Variants in DCP1B observed in about 807,000 individuals in gnomAD.
The protein encoded by DCP1B is decapping mRNA 1B, also known as mRNA-decapping enzyme 1B.
DCP1B carries 47 observed loss-of-function variants against 60.5 expected under a neutral mutation model. The ratio of observed to expected loss-of-function variants is 0.78; its 90% CI spans 0.61 to 0.99. The LOEUF is 0.99. Among genes scored for constraint, DCP1B ranks in the 50% least tolerant of loss-of-function variants. DCP1B has a pLI of 0.00. For synonymous variants in DCP1B, 267 were observed against 280.3 expected, an observed-to-expected ratio of 0.95 and a Z score of 0.47; for missense variants, 725 against 756.8, an observed-to-expected ratio of 0.96 and a Z score of 0.49.
chr12:1,996,644 A>C lies in DCP1B; in HGVS notation c.191+1291T>G, dbSNP rs959905459. Among the ~76,000 whole-genome samples the C allele has an allele frequency of 6.6e-3, 592 of 89,418 alleles. 19 individuals carry two copies. Among genetic ancestry groups the C allele is most frequent in the African/African-American group, 0.031 (555 of 17,734 alleles). The allele number at this position is 89,418 out of a possible 152,430, so 58.7% of individuals were successfully genotyped here. The stretch of plus-strand genomic sequence containing the variant: ...AAAAAAAAAAAAAAAAAAAAAAAAA[A>C]AAAAAAAAAAACAACAAACTCTTCT... On this transcript the variant is annotated intron_variant, in intron 2 of 8. Transcript: ENST00000280665.
At chr12:1,955,944 A>T (rs377009927) in intron 5 of DCP1B, among the ~76,000 whole-genome samples, 1 of 152,244 alleles carries the variant, frequency 6.6e-6, no homozygotes, top group South Asian at 2.1e-4. Context: ...TGTCTGGACA[A>T]TTTAAGCAGT....
At chr12:1,968,466 G>A (rs988469585) in intron 3 of DCP1B, among the ~76,000 whole-genome samples, 2 of 151,860 alleles carry the variant, frequency 1.3e-5, no homozygotes, top group African/African-American at 4.8e-5. Flanking sequence ...TGAAAACATG[G>A]CACCTGAACA....
chr12:1,945,311 C>T (rs988647956), downstream of DCP1B, among the ~76,000 whole-genome samples: 4 of 152,276 alleles, frequency 2.6e-5, no homozygotes, highest in South Asian at 2.1e-4. Flanking sequence ...GAAACAGGAA[C>T]GCTTTTACAT....
chr12:1,959,688 A>G (rs191681826), intron 5 of DCP1B, among the ~76,000 whole-genome samples: 2 of 152,328 alleles, frequency 1.3e-5, no homozygotes, highest in African/African-American at 4.8e-5. Flanking sequence ...GGCCAGGTGC[A>G]GTGGCTCACG....
chr12:1,950,206 C>T, intron 7 of DCP1B: 1 of 614,332 alleles, frequency 1.6e-6, no homozygotes, highest in Middle Eastern at 2.8e-4. Context: ...TCTCTTTGAG[C>T]AAAAGTTGGC....
intron 7 of DCP1B, among the ~76,000 whole-genome samples, chr12:1,951,437 C>T (rs1258576926): frequency 6.6e-6 from 1 of 152,082 alleles, no homozygotes; most frequent in Non-Finnish European, 1.5e-5. Flanking sequence ...AGATGTTACC[C>T]ACAGGCAGAT....
Position 1,997,927 on chromosome 12 carries a change from ACT to A in DCP1B, c.191+6_191+7del, listed in dbSNP as rs766774060. 1 of 1,597,516 alleles carries A rather than the reference ACT, an allele frequency of 6.3e-7. No individual in the cohort carries two copies. The highest frequency in any genetic ancestry group is 8.5e-7 in the Non-Finnish European group (1 of 1,173,194). On this transcript the variant is annotated splice_donor_region_variant and intron_variant, in intron 2 of 8. Transcript: ENST00000280665. ...ATTAGTTTCTTTATAAAAGTGAAAC[ACT>A]CTTACCTTGTATAAACAAATAAGGT...
At position 1,965,612 on chromosome 12, in the gene DCP1B, G is replaced by A. The variant is rs2031267634; in HGVS notation, c.468C>T (p.Gly156=). ...GCATTCGTAAAATGTCTACTTCTTT[G>A]CCCTCTCCTGAATTGAGGATCACTG... is the stretch of plus-strand genomic sequence containing the variant. ...ISPVILNSGE[G]KEVDILRMLI... Residue 156 remains glycine, a synonymous_variant, in exon 5 of 9, where the codon GGC becomes GGT. Transcript: ENST00000280665. 1 of 1,613,860 alleles carries A rather than the reference G, an allele frequency of 6.2e-7. No individual in the cohort carries two copies. The highest frequency in any genetic ancestry group is 8.5e-7 in the Non-Finnish European group (1 of 1,179,908).
chr12:1,964,352 C>T (rs113375633), intron 5 of DCP1B, among the ~76,000 whole-genome samples: 4,144 of 152,178 alleles, frequency 0.027, 95 homozygotes, highest in Middle Eastern at 0.054. Context: ...ACCTTCCTGT[C>T]ATTCTGGTGT....
chr12:1,953,346 G>A, intron 6 of DCP1B, 58 bp from the exon 7 acceptor site: 1 of 1,491,894 alleles, frequency 6.7e-7, no homozygotes, highest in African/African-American at 1.4e-5. Context: ...ATATGAGGAA[G>A]TGCTATGAAA....
In DCP1B at chr12:1,953,999, A is replaced by G. The variant is rs1311916747; in HGVS notation, c.652-711T>C. Among the ~76,000 whole-genome samples, 5 of 152,196 alleles carry G rather than the reference A, an allele frequency of 3.3e-5. No individual in the cohort carries two copies. The East Asian group carries it at 7.7e-4, about 23-fold the overall frequency. Reference sequence around the variant, plus strand: ...GGAGTTCAAGACCAGCCTGGGCAACATGGCAAAACCCCATCTCTACAAAAA... The same window carrying G: ...GGAGTTCAAGACCAGCCTGGGCAACGTGGCAAAACCCCATCTCTACAAAAA... On this transcript the variant is annotated intron_variant, in intron 6 of 8. Transcript: ENST00000280665.
In DCP1B at chr12:1,948,355, C is replaced by T. The variant is rs2030520522; in HGVS notation, c.1773+731G>A. On this transcript the variant is annotated intron_variant, in intron 8 of 8. Transcript: ENST00000280665. This position sits in a 1 kb window ranked among gnomAD's most constrained non-coding sequence, Gnocchi z 4.8. ...CATCCCAGCCCTGCTTATGTACGAG[C>T]TCCGTGCCTCAGGCCAGTTGCTCAG... is the stretch of plus-strand genomic sequence containing the variant. 6.6e-6 allele frequency among the ~76,000 whole-genome samples: 1 copy of T among 152,232 alleles called. No individual in the cohort carries two copies. Among genetic ancestry groups the T allele is most frequent in the South Asian group, 2.1e-4 (1 of 4,836 alleles).
chr12:1,967,940 G>C (rs1173163858), intron 3 of DCP1B, 30 bp from the exon 4 acceptor site: 1 of 1,584,626 alleles, frequency 6.3e-7, no homozygotes, highest in African/African-American at 1.4e-5. Context: ...AACAAATTAT[G>C]AGCATCTTCA....
intron 3 of DCP1B, 87 bp downstream of exon 3, chr12:1,993,177 G>T: frequency 6.3e-7 from 1 of 1,578,466 alleles, no homozygotes; most frequent in Non-Finnish European, 8.7e-7. Flanking sequence ...GATACCAAAT[G>T]CAAACACAAT....
At chr12:2,002,008 C>A (rs975887128) in intron 1 of DCP1B, among the ~76,000 whole-genome samples, 1 of 152,122 alleles carries the variant, frequency 6.6e-6, no homozygotes, top group African/African-American at 2.4e-5. Context: ...ATTTTGGAGG[C>A]GGGGGGCAGT....
chr12:1,982,832 T>G lies in DCP1B; in HGVS notation c.319+10432A>C, dbSNP rs113633456. On this transcript the variant is annotated intron_variant, in intron 3 of 8. Transcript: ENST00000280665. ...AGTTGGAAAATAATACCTCTTCTAC[T>G]TTCTGAAAGAGATTGTATAGAATTG... Among the ~76,000 whole-genome samples, 452 of 152,250 alleles carry G rather than the reference T, an allele frequency of 3.0e-3. 1 individual carries two copies. The highest frequency in any genetic ancestry group is 3.7e-3 in the Non-Finnish European group (249 of 67,966).
chr12:1,972,697 T>G (rs1272570357), intron 3 of DCP1B, among the ~76,000 whole-genome samples: 1 of 152,128 alleles, frequency 6.6e-6, no homozygotes, highest in African/African-American at 2.4e-5. Context: ...TTCAAATTTG[T>G]TTTTACATAT....
intron 1 of DCP1B, among the ~76,000 whole-genome samples, chr12:2,002,773 G>C (rs1481238900): frequency 6.6e-6 from 1 of 151,998 alleles, no homozygotes; most frequent in Non-Finnish European, 1.5e-5. Flanking sequence ...TATACCTTTA[G>C]CATTTTTCTA....
At chr12:1,945,176 A>G (rs2030378384), downstream of DCP1B, among the ~76,000 whole-genome samples, 1 of 152,276 alleles carries the variant, frequency 6.6e-6, no homozygotes, top group Non-Finnish European at 1.5e-5. Context: ...AACATGAAAA[A>G]AAGCTCATCA....
Sources: gnomAD v4.1 joint callset for allele counts (sites outside exome capture counted in the v4.1 genomes callset) on GRCh38, gnomAD v4.1.1 for gene constraint, Gnocchi (gnomAD v3.1) non-coding constraint, MANE v1.5 for transcripts, NCBI Gene and HGNC (gene_info 2026-07-23, HGNC 2026-07-21) for gene names.